Variants in WDSUB1 observed in about 807,000 individuals in gnomAD.
WDSUB1 encodes WD repeat, SAM and U-box domain-containing protein 1.
In WDSUB1, 49 loss-of-function variants were observed where a neutral mutation model predicts 53.9. The ratio of observed to expected loss-of-function variants is 0.91; its 90% CI spans 0.72 to 1.15. The LOEUF is 1.15. Ranked by LOEUF, WDSUB1 falls within the 50% of genes most tolerant of loss-of-function variation. The pLI, the probability that WDSUB1 is intolerant of heterozygous loss-of-function variation, is 0.00. For missense variants in WDSUB1, 514 were observed against 562.0 expected (o/e 0.91, Z 0.86); for synonymous variants, 194 against 200.6 (o/e 0.97, Z 0.28).
At chr2:159,252,298 G>GA (rs771474593) in intron 9 of WDSUB1, among the ~76,000 whole-genome samples, 58 of 98,122 alleles carry the variant, frequency 5.9e-4, no homozygotes, top group Non-Finnish European at 9.6e-4. Context: ...AAATTTCTCT[G>GA]AAAAAACAGC....
intron 5 of WDSUB1, among the ~76,000 whole-genome samples, chr2:159,267,125 C>T (rs2061361462): frequency 6.6e-6 from 1 of 152,006 alleles, no homozygotes. Context: ...CTCATTTCTC[C>T]TTATTTATTT....
chr2:159,271,933 A>G (rs902954155), intron 4 of WDSUB1, 138 bp from the exon 5 acceptor site: 2 of 664,844 alleles, frequency 3.0e-6, no homozygotes, highest in Non-Finnish European at 5.2e-6. Flanking sequence ...ATCCTCATGC[A>G]GCTCAGATAT....
At chr2:159,265,802 A>G (rs17494441) in intron 5 of WDSUB1, among the ~76,000 whole-genome samples, 53,559 of 152,174 alleles carry the variant, frequency 0.35, 12,419 homozygotes, top group Non-Finnish European at 0.54. Flanking sequence ...GGAACAAAAG[A>G]CAAATTCTGC....
intron 10 of WDSUB1, among the ~76,000 whole-genome samples, chr2:159,242,839 T>TTTA (rs1238057189): frequency 6.8e-6 from 1 of 147,824 alleles, no homozygotes; most frequent in East Asian, 2.1e-4. Flanking sequence ...TTTAAAAGTA[T>TTTA]GAATAAAAAT....
intron 5 of WDSUB1, among the ~76,000 whole-genome samples, chr2:159,261,878 ATATATATATATATATATATTTTTTTT>A (rs2061214599): frequency 3.8e-4 from 6 of 15,748 alleles, no homozygotes; most frequent in African/African-American, 2.2e-3. Context: ...ATATATATAT[ATATATATATATATATATATTTTTTTT>A]TTTTTTTTTT....
At chr2:159,245,367 A>C (rs527568060) in intron 10 of WDSUB1, among the ~76,000 whole-genome samples, 1 of 152,068 alleles carries the variant, frequency 6.6e-6, no homozygotes, top group South Asian at 2.1e-4. Context: ...ATCTCTACTA[A>C]AAATAATAAA....
chr2:159,247,944 A>T (rs2024286), intron 10 of WDSUB1, among the ~76,000 whole-genome samples: 33,928 of 67,394 alleles, frequency 0.5, 8,666 homozygotes, highest in Non-Finnish European at 0.58. Context: ...TATATATATA[A>T]AATTTGGATT....
At chr2:159,285,915 G>T (rs2061783846) in intron 1 of WDSUB1, among the ~76,000 whole-genome samples, 1 of 152,182 alleles carries the variant, frequency 6.6e-6, no homozygotes, top group Non-Finnish European at 1.5e-5. Flanking sequence ...GCAAATCCCA[G>T]CTGTGCAAGT....
intron 9 of WDSUB1, among the ~76,000 whole-genome samples, chr2:159,249,760 AACTT>A (rs530427353): frequency 2.8e-4 from 42 of 152,094 alleles, no homozygotes; most frequent in African/African-American, 7.7e-4. Flanking sequence ...ACCACCATGA[AACTT>A]ACTTAAGAGG....
At chr2:159,245,048 A>C (rs1197204193) in intron 10 of WDSUB1, among the ~76,000 whole-genome samples, 1 of 152,208 alleles carries the variant, frequency 6.6e-6, no homozygotes, top group African/African-American at 2.4e-5. Context: ...AAGTGATACC[A>C]TGTTCATGGA....
chr2:159,247,910 A>ATAATATATATATAT (rs2060846247), intron 10 of WDSUB1, among the ~76,000 whole-genome samples: 1 of 17,680 alleles, frequency 5.7e-5, no homozygotes, highest in Non-Finnish European at 1.3e-4. Context: ...TATATATATA[A>ATAATATATATATAT]ATATATATAT....
intron 10 of WDSUB1, among the ~76,000 whole-genome samples, 182 bp downstream of exon 10, chr2:159,248,187 CACA>C (rs2060861995): frequency 1.3e-5 from 2 of 151,756 alleles, no homozygotes; most frequent in African/African-American, 4.8e-5. Context: ...GTGTCAACTC[CACA>C]ACTACTCTGT....
chr2:159,242,840 G>A (rs1462060183), intron 10 of WDSUB1, among the ~76,000 whole-genome samples: 2 of 147,796 alleles, frequency 1.4e-5, no homozygotes, highest in East Asian at 2.1e-4. Context: ...TTAAAAGTAT[G>A]AATAAAAATG....
chr2:159,242,678 A>G (rs1019881009), intron 10 of WDSUB1, among the ~76,000 whole-genome samples: 9 of 147,920 alleles, frequency 6.1e-5, no homozygotes, highest in African/African-American at 2.4e-4. Context: ...AGTATGCATC[A>G]TAACTCATTT....
rs1447271739 is a variant in WDSUB1 at position 159,259,798 on chromosome 2, TTA to T, written c.804+10_804+11del. 5 of 1,520,008 alleles carry T rather than the reference TTA, an allele frequency of 3.3e-6. No homozygotes were observed. The South Asian group carries it at 6.0e-5, about 18-fold the overall frequency. 94.2% of individuals were successfully genotyped at this position (1,520,008 alleles called of 1,614,324 possible). ...ACTTTCATAGATCACCACAAGATTT[TTA>T]AATACTTACAGTATCATATACTATG... On this transcript the variant is annotated intron_variant, in intron 6 of 10. Transcript: ENST00000359774.
chr2:159,283,225 T>C, intron 1 of WDSUB1, 132 bp from the exon 2 acceptor site: 1 of 773,004 alleles, frequency 1.3e-6, no homozygotes, highest in Non-Finnish European at 2.0e-6. Flanking sequence ...AAAGCAGTGG[T>C]CCCCACCTTT....
intron 9 of WDSUB1, among the ~76,000 whole-genome samples, chr2:159,254,972 T>C (rs1156973309): frequency 6.6e-6 from 1 of 151,880 alleles, no homozygotes; most frequent in Non-Finnish European, 1.5e-5. Flanking sequence ...CTACAAAAAT[T>C]TGTAAAAATA....
At chr2:159,247,890 T>A (rs868547883) in intron 10 of WDSUB1, among the ~76,000 whole-genome samples, 5,598 of 34,130 alleles carry the variant, frequency 0.16, 470 homozygotes, top group African/African-American at 0.32. Flanking sequence ...TAAATAAATA[T>A]ATATATATAT....
chr2:159,261,613 C>T (rs1279226372), intron 5 of WDSUB1, among the ~76,000 whole-genome samples: 1 of 151,820 alleles, frequency 6.6e-6, no homozygotes, highest in Non-Finnish European at 1.5e-5. Flanking sequence ...CCTTAAAACA[C>T]ACACACAACT....
Sources: allele counts gnomAD v4.1 joint callset (sites outside exome capture counted in the v4.1 genomes callset), GRCh38; gene constraint gnomAD v4.1.1; transcripts MANE v1.5; gene names NCBI Gene and HGNC (gene_info 2026-07-23, HGNC 2026-07-21).